Variants in TMEM178B observed in about 807,000 individuals in gnomAD.
The protein encoded by TMEM178B is transmembrane protein 178B.
Under a neutral mutation model 31.0 loss-of-function variants are expected in TMEM178B, and 5 were observed. That is an observed-to-expected ratio of 0.16 (90% CI 0.08 to 0.34). The LOEUF (loss-of-function observed/expected upper bound fraction) is 0.34, where lower values mean the gene tolerates loss of function less well. Ranked by LOEUF, TMEM178B falls within the 10% of genes least tolerant of loss-of-function variation. The pLI is 1.00. For missense variants in TMEM178B, 275 were observed against 400.3 expected (o/e 0.69, Z 2.67); for synonymous variants, 164 against 164.0 (o/e 1.00, Z 0.00).
intron 1 of TMEM178B, among the ~76,000 whole-genome samples, chr7:141,087,643 T>TA (rs1381948191): frequency 9.2e-5 from 14 of 152,170 alleles, no homozygotes; most frequent in Non-Finnish European, 2.1e-4. Flanking sequence ...TGAGAATTGA[T>TA]AAAAAAGAAA....
At chr7:141,490,395 T>C in the TMEM178B span, among the ~76,000 whole-genome samples, 45 of 152,224 alleles carry the variant, frequency 3.0e-4, no homozygotes, top group Non-Finnish European at 4.1e-4. Flanking sequence ...GACGTGCACA[T>C]AGGGAGAATG....
chr7:141,296,343 C>T (rs1230833364), intron 2 of TMEM178B, among the ~76,000 whole-genome samples: 4 of 152,220 alleles, frequency 2.6e-5, no homozygotes, highest in Admixed American at 2.6e-4. Context: ...GCTGGGATTA[C>T]AGGTGTGAGC....
At chr7:141,088,207 G>A (rs1794818572) in intron 1 of TMEM178B, among the ~76,000 whole-genome samples, 2 of 152,094 alleles carry the variant, frequency 1.3e-5, no homozygotes, top group African/African-American at 4.8e-5. Flanking sequence ...TCAGTGGAGT[G>A]GAAGGTGACT....
At chr7:141,242,602 C>T (rs1422904427) in intron 2 of TMEM178B, among the ~76,000 whole-genome samples, 1 of 144,986 alleles carries the variant, frequency 6.9e-6, no homozygotes, top group Non-Finnish European at 1.5e-5. Flanking sequence ...AGTGCAGTGG[C>T]ATGATCCTGG....
rs148373344 is a variant in TMEM178B at position 141,311,442 on chromosome 7, T to C, written c.496+98738T>C. Among the ~76,000 whole-genome samples the C allele has an allele frequency of 1.4e-3, 210 of 152,362 alleles. 1 individual carries two copies. The highest frequency in any genetic ancestry group is 4.9e-3 in the African/African-American group (202 of 41,588). ...TATACTGGCTAATATGCTTTGCTCTTTTTTCAATTAGATTGCTGGTTTTCT... is the reference window on the plus strand; with the variant it reads ...TATACTGGCTAATATGCTTTGCTCTCTTTTCAATTAGATTGCTGGTTTTCT... On this transcript the variant is annotated intron_variant, in intron 2 of 3. Coordinates refer to ENST00000565468, the MANE Select transcript of TMEM178B (RefSeq NM_001195278.2).
intron 2 of TMEM178B, among the ~76,000 whole-genome samples, chr7:141,319,589 A>G (rs140076251): frequency 0.048 from 7,243 of 151,882 alleles, 265 homozygotes; most frequent in East Asian, 0.15. Flanking sequence ...GTCTCACTCT[A>G]TTGCCCAGGC....
intron 2 of TMEM178B, among the ~76,000 whole-genome samples, chr7:141,301,992 G>T (rs1159056056): frequency 6.6e-6 from 1 of 152,190 alleles, no homozygotes; most frequent in Non-Finnish European, 1.5e-5. Context: ...CAGGGGTTGG[G>T]GGAAGGAGGA....
In TMEM178B at chr7:141,476,334, C is replaced by T. The variant is rs1267350316; in HGVS notation, c.*5548C>T. On this transcript the variant is annotated 3_prime_UTR_variant, in exon 4 of 4. Transcript: ENST00000565468. ...TTTTGCAAAGGGCACTTTTATCCAT[C>T]TCAGTTATTCCCAGAGGTGACAGAA... is the stretch of plus-strand genomic sequence containing the variant. 1.3e-5 allele frequency: 2 copies of T among 152,212 alleles called. No homozygotes were observed. The highest frequency in any genetic ancestry group is 2.9e-5 in the Non-Finnish European group (2 of 68,046). 9.4% of individuals were successfully genotyped at this position (152,212 alleles called of 1,614,324 possible).
chr7:141,237,382 G>A (rs1314148807), intron 2 of TMEM178B, among the ~76,000 whole-genome samples: 1 of 152,168 alleles, frequency 6.6e-6, no homozygotes, highest in African/African-American at 2.4e-5. Flanking sequence ...TTATGGTTCA[G>A]TTATATAGTA....
chr7:141,299,560 C>T (rs1287031418), intron 2 of TMEM178B, among the ~76,000 whole-genome samples: 1 of 152,128 alleles, frequency 6.6e-6, no homozygotes, highest in East Asian at 1.9e-4. Context: ...TCCTACTTAG[C>T]TTCCTAGGTT....
chr7:141,333,440 T>C (rs981368251), intron 2 of TMEM178B, among the ~76,000 whole-genome samples: 4 of 152,240 alleles, frequency 2.6e-5, no homozygotes, highest in African/African-American at 9.6e-5. Flanking sequence ...GGAATTGTTG[T>C]TAGGAGCTGA....
At chr7:141,174,602 T>C (rs1218144154) in intron 1 of TMEM178B, among the ~76,000 whole-genome samples, 1 of 152,220 alleles carries the variant, frequency 6.6e-6, no homozygotes, top group African/African-American at 2.4e-5. Context: ...TTCCTATTTC[T>C]CCACCTCCCC....
chr7:141,425,358 T>G (rs768516699), intron 2 of TMEM178B, among the ~76,000 whole-genome samples: 3 of 152,146 alleles, frequency 2.0e-5, no homozygotes, highest in Non-Finnish European at 4.4e-5. Context: ...TTCCTGCACT[T>G]TGCACTCTGC....
intron 1 of TMEM178B, among the ~76,000 whole-genome samples, chr7:141,091,766 C>G (rs1291492744): frequency 1.3e-5 from 2 of 152,190 alleles, no homozygotes; most frequent in Non-Finnish European, 2.9e-5. Flanking sequence ...CTTGCTCTGT[C>G]TCCCAGGCTG....
chr7:141,210,850 A>C (rs1055467062), intron 1 of TMEM178B, among the ~76,000 whole-genome samples: 5 of 152,190 alleles, frequency 3.3e-5, no homozygotes, highest in African/African-American at 1.2e-4. Context: ...GAGGGGAGAC[A>C]GAGAGTAGGT....
the TMEM178B span, among the ~76,000 whole-genome samples, chr7:141,502,947 C>T: frequency 2.0e-5 from 3 of 152,280 alleles, no homozygotes; most frequent in Non-Finnish European, 2.9e-5. Flanking sequence ...TCCTCCTAGA[C>T]ACAGAGACTT....
At chr7:141,300,759 G>C (rs1798710059) in intron 2 of TMEM178B, among the ~76,000 whole-genome samples, 1 of 152,048 alleles carries the variant, frequency 6.6e-6, no homozygotes, top group Admixed American at 6.6e-5. Flanking sequence ...GTCCCTTCCA[G>C]CTTTTCTCCC....
chr7:141,376,364 T>C (rs1406293962), intron 2 of TMEM178B, among the ~76,000 whole-genome samples: 3 of 152,206 alleles, frequency 2.0e-5, no homozygotes, highest in South Asian at 2.1e-4. Flanking sequence ...TACCAAAAAT[T>C]ATACCAACTA....
At chr7:141,259,965 C>G (rs984787882) in intron 2 of TMEM178B, among the ~76,000 whole-genome samples, 2 of 152,166 alleles carry the variant, frequency 1.3e-5, no homozygotes, top group African/African-American at 2.4e-5. Flanking sequence ...CTGGGGCCCT[C>G]TCTGATCTCT....
Sources: gnomAD v4.1 joint callset for allele counts (sites outside exome capture counted in the v4.1 genomes callset) on GRCh38, gnomAD v4.1.1 for gene constraint, MANE v1.5 for transcripts, NCBI Gene and HGNC (gene_info 2026-07-23, HGNC 2026-07-21) for gene names.